The following U2AF2 variants were observed in gnomAD, a reference collection of about 807,000 sequenced individuals.
The protein encoded by U2AF2 is splicing factor U2AF 65 kDa subunit.
Under a neutral mutation model 52.6 loss-of-function variants are expected in U2AF2, and 6 were observed. That is an observed-to-expected ratio of 0.11 (90% CI 0.06 to 0.23). The LOEUF (loss-of-function observed/expected upper bound fraction) is 0.23. Among genes scored for constraint, U2AF2 ranks in the 10% least tolerant of loss-of-function variants. The pLI is 1.00. For synonymous variants in U2AF2, 284 were observed against 258.2 expected, an observed-to-expected ratio of 1.10 and a Z score of -0.96; for missense variants, 222 against 677.1, an observed-to-expected ratio of 0.33 and a Z score of 7.46.
At chr19:55,659,183 C>A (rs773586332) in intron 1 of U2AF2, 27 bp from the exon 2 acceptor site, 3 of 1,523,176 alleles carry the variant, frequency 2.0e-6, no homozygotes, top group Admixed American at 2.0e-5. Flanking sequence ...CCGCTTATCC[C>A]GTGCCCCTCC....
In U2AF2 at chr19:55,668,615, T is replaced by TGCCCCCC; in HGVS notation, c.822+29_822+30insGCCCCCC. The TGCCCCCC allele has an allele frequency of 6.6e-7, 1 of 1,514,000 alleles. No individual in the cohort carries two copies. Among genetic ancestry groups the TGCCCCCC allele is most frequent in the Non-Finnish European group, 9.1e-7 (1 of 1,097,216 alleles). The allele number at this position is 1,514,000 out of a possible 1,614,324, so 93.8% of individuals were successfully genotyped here. ...ACTTCCCTGCCTCCCTCCAGACCCGTCCCCCCACCCCGCCCCACCTCATCC... is the reference window on the plus strand; with the variant it reads ...ACTTCCCTGCCTCCCTCCAGACCCGTGCCCCCCCCCCCCACCCCGCCCCACCTCATCC... On this transcript the variant is annotated intron_variant, in intron 8 of 11. Coordinates refer to ENST00000308924, the MANE Select transcript of U2AF2 (RefSeq NM_007279.3). This position sits in a 1 kb window ranked among gnomAD's most constrained non-coding sequence, Gnocchi z 5.5.
At chr19:55,657,287 C>T (rs1303005491) in intron 1 of U2AF2, among the ~76,000 whole-genome samples, 5 of 152,228 alleles carry the variant, frequency 3.3e-5, no homozygotes, top group Admixed American at 1.3e-4. Context: ...TTGTTTTTAC[C>T]TGTCCAGCAT....
intron 2 of U2AF2, 49 bp downstream of exon 2, chr19:55,659,394 G>T (rs939590135): frequency 7.0e-7 from 1 of 1,434,218 alleles, no homozygotes; most frequent in Non-Finnish European, 9.2e-7. Context: ...TCGGGGGGTC[G>T]GTGTTGGCCG....
chr19:55,660,801 AC>A lies in U2AF2; in HGVS notation c.334+185del, dbSNP rs567723030. Among the ~76,000 whole-genome samples, 1,453 of 152,200 alleles carry A rather than the reference AC, an allele frequency of 9.5e-3. 5 individuals carry two copies. The highest frequency in any genetic ancestry group is 0.014 in the Non-Finnish European group (976 of 68,010). On this transcript the variant is annotated intron_variant, in intron 4 of 11. Coordinates refer to ENST00000308924, the MANE Select transcript of U2AF2 (RefSeq NM_007279.3). Reference sequence around the variant, plus strand: ...CCTAGAGGAGGAAATGACCAGAGACACCCGTGGTTGACAGGGGAATGAGGCC... The same window carrying A: ...CCTAGAGGAGGAAATGACCAGAGACACCGTGGTTGACAGGGGAATGAGGCC...
chr19:55,667,208 G>A (rs1984600883), intron 7 of U2AF2, among the ~76,000 whole-genome samples: 1 of 152,074 alleles, frequency 6.6e-6, no homozygotes, highest in Admixed American at 6.6e-5. Flanking sequence ...GAGGGTGTGT[G>A]GGGGCATCTC....
intron 6 of U2AF2, 69 bp from the exon 7 acceptor site, chr19:55,663,537 T>C (rs1270370374): frequency 6.5e-7 from 1 of 1,550,342 alleles, no homozygotes; most frequent in African/African-American, 1.4e-5. Context: ...GAAATCCCAA[T>C]CCTGGAACAC....
At chr19:55,658,879 C>T (rs578232819) in intron 1 of U2AF2, 2 of 265,502 alleles carry the variant, frequency 7.5e-6, no homozygotes, top group South Asian at 3.2e-4. Context: ...CCCTGCCCCT[C>T]TCAGGGACGA....
At position 55,674,042 on chromosome 19, in the gene U2AF2, T is replaced by A; in HGVS notation, c.1402T>A (p.Ser468Thr). The A allele has an allele frequency of 6.2e-7, 1 of 1,612,498 alleles. No individual in the cohort carries two copies. Among genetic ancestry groups the A allele is most frequent in the Non-Finnish European group, 8.5e-7 (1 of 1,179,172 alleles). Residue 468 changes from serine (S) to threonine (T), a missense_variant, in exon 12 of 12, where the codon TCT becomes ACT. Physicochemically the swap from Ser to Thr is moderately conservative, Grantham distance 58. Around this residue, in one of 4 missense-constraint regions of U2AF2, gnomAD observed 71 missense variants for 180.6 expected, o/e 0.39. Transcript: ENST00000308924. ...VVVTKYCDPD[S>T]YHRRDFW is the part of the protein sequence containing the mutation. ...TGTCACAAAATACTGTGACCCCGACTCTTATCACCGCCGGGACTTCTGGTA... is the reference window on the plus strand; with the variant it reads ...TGTCACAAAATACTGTGACCCCGACACTTATCACCGCCGGGACTTCTGGTA...
intron 11 of U2AF2, among the ~76,000 whole-genome samples, chr19:55,671,199 T>A (rs1020112285): frequency 3.9e-5 from 6 of 151,928 alleles, no homozygotes; most frequent in Non-Finnish European, 8.8e-5. Flanking sequence ...GGTGATCTGA[T>A]TTAAAGTAGT....
chr19:55,656,968 G>A (rs1188109947), intron 1 of U2AF2, among the ~76,000 whole-genome samples: 1 of 152,226 alleles, frequency 6.6e-6, no homozygotes, highest in Non-Finnish European at 1.5e-5. Flanking sequence ...GAGTAGATAC[G>A]ACCCTCGTTT....
At chr19:55,671,351 GGCAGGTGAGAT>G (rs1984907576) in intron 11 of U2AF2, 1 of 144,718 alleles carries the variant, frequency 6.9e-6, no homozygotes, top group Admixed American at 7.0e-5. Flanking sequence ...TGGTGGGGAT[GGCAGGTGAGAT>G]GCAGGGGTGA....
At chr19:55,672,729 ATTTTT>A (rs74179629) in intron 11 of U2AF2, among the ~76,000 whole-genome samples, 9 of 141,276 alleles carry the variant, frequency 6.4e-5, no homozygotes, top group Non-Finnish European at 1.2e-4. Flanking sequence ...TATCTCAAGA[ATTTTT>A]TTTTTTTTTT....
rs994560940 is a variant in U2AF2, at chr19:55,666,776, A to G, written c.743-1731A>G. On this transcript the variant is annotated intron_variant, in intron 7 of 11. Coordinates refer to ENST00000308924, the MANE Select transcript of U2AF2 (RefSeq NM_007279.3). ...TCCTTGGCTCTGTGTTGCTCAAGTGAGACGGGCAGAGCCAGGGCTCGCGGC... is the reference window on the plus strand; with the variant it reads ...TCCTTGGCTCTGTGTTGCTCAAGTGGGACGGGCAGAGCCAGGGCTCGCGGC... Among the ~76,000 whole-genome samples the G allele has an allele frequency of 3.3e-5, 5 of 152,186 alleles. No homozygotes were observed. The South Asian group carries it at 1.0e-3, about 32-fold the overall frequency.
intron 1 of U2AF2, 116 bp from the exon 2 acceptor site, chr19:55,659,094 C>G: frequency 2.2e-6 from 3 of 1,352,214 alleles, no homozygotes; most frequent in Non-Finnish European, 2.9e-6. Context: ...CATTGAATCC[C>G]TTCCCTTTGG....
At chr19:55,669,319 G>A in intron 10 of U2AF2, 125 bp from the exon 11 acceptor site, 1 of 1,544,122 alleles carries the variant, frequency 6.5e-7, no homozygotes. Context: ...GGGGAGTCGG[G>A]CTTTAGGTGT....
intron 1 of U2AF2, among the ~76,000 whole-genome samples, chr19:55,658,485 AC>A (rs1159234401): frequency 6.6e-6 from 1 of 152,192 alleles, no homozygotes; most frequent in East Asian, 1.9e-4. Context: ...GCCCCTACTC[AC>A]GCCTTTACAG....
At chr19:55,657,594 C>G (rs1028798362) in intron 1 of U2AF2, among the ~76,000 whole-genome samples, 8 of 152,024 alleles carry the variant, frequency 5.3e-5, no homozygotes, top group African/African-American at 1.9e-4. Flanking sequence ...AGGAGCTGTG[C>G]CCAGTGCCGT....
chr19:55,660,148 T>TA, intron 2 of U2AF2, 29 bp from the exon 3 acceptor site: 1 of 1,481,828 alleles, frequency 6.7e-7, no homozygotes, highest in African/African-American at 1.4e-5. Context: ...CAGTCACCCC[T>TA]CCCCATACCT....
At chr19:55,669,926 G>A (rs1048966587) in intron 11 of U2AF2, among the ~76,000 whole-genome samples, 1 of 152,202 alleles carries the variant, frequency 6.6e-6, no homozygotes, top group African/African-American at 2.4e-5. Context: ...TGGCCCTGTG[G>A]GGGCCCAAGA....
Sources: allele counts gnomAD v4.1 joint callset (sites outside exome capture counted in the v4.1 genomes callset), GRCh38; gene constraint gnomAD v4.1.1; regional missense constraint gnomAD v4.1.1; non-coding constraint Gnocchi (gnomAD v3.1); transcripts MANE v1.5; gene names NCBI Gene and HGNC (gene_info 2026-07-23, HGNC 2026-07-21).